Variants in PHACTR1 observed in about 807,000 individuals in gnomAD.
PHACTR1 encodes the protein phosphatase and actin regulator 1.
A neutral mutation model predicts 69.2 loss-of-function variants in PHACTR1; 16 were observed. That is an observed-to-expected ratio of 0.23 (90% CI 0.16 to 0.35). The LOEUF (loss-of-function observed/expected upper bound fraction) is 0.35, where lower values mean the gene tolerates loss of function less well. Ranked by LOEUF, PHACTR1 falls within the 10% of genes least tolerant of loss-of-function variation. The pLI, the probability that PHACTR1 is intolerant of heterozygous loss-of-function variation, is 1.00. For synonymous variants in PHACTR1, 312 were observed against 284.5 expected (o/e 1.10, Z -0.97); for missense variants, 510 against 734.7 (o/e 0.69, Z 3.54).
At chr6:12,886,841 C>CAA (rs199774310) in intron 4 of PHACTR1, among the ~76,000 whole-genome samples, 5 of 139,376 alleles carry the variant, frequency 3.6e-5, no homozygotes, top group African/African-American at 1.1e-4. Context: ...AATGCAGTTC[C>CAA]AAAAAAAAAA....
At chr6:13,080,407 A>T (rs1248863424) in intron 5 of PHACTR1, among the ~76,000 whole-genome samples, 2 of 152,130 alleles carry the variant, frequency 1.3e-5, no homozygotes, top group African/African-American at 4.8e-5. Flanking sequence ...TTTAATTGGA[A>T]CTGGGGTGTG....
intron 4 of PHACTR1, among the ~76,000 whole-genome samples, chr6:12,754,605 A>G (rs1236027361): frequency 1.3e-5 from 2 of 152,198 alleles, no homozygotes; most frequent in East Asian, 1.9e-4. Context: ...TATGTCATGC[A>G]TTAAGATGGT....
intron 5 of PHACTR1, among the ~76,000 whole-genome samples, chr6:13,137,273 T>C (rs1308737582): frequency 6.6e-6 from 1 of 152,132 alleles, no homozygotes. Flanking sequence ...AGGCATTTGG[T>C]TTTGGTTTGG....
At chr6:13,024,666 T>G (rs1172406244) in intron 4 of PHACTR1, among the ~76,000 whole-genome samples, 1 of 152,212 alleles carries the variant, frequency 6.6e-6, no homozygotes, top group East Asian at 1.9e-4. Flanking sequence ...ATGTGGCTGT[T>G]TTCTACTAGT....
At chr6:12,748,021 G>A (rs1766028251) in intron 3 of PHACTR1, among the ~76,000 whole-genome samples, 1 of 152,160 alleles carries the variant, frequency 6.6e-6, no homozygotes, top group Non-Finnish European at 1.5e-5. Context: ...GAGAAGCTAA[G>A]AAAGAATTAG....
intron 7 of PHACTR1, among the ~76,000 whole-genome samples, chr6:13,197,209 C>G (rs1150598): frequency 0.3 from 45,570 of 152,042 alleles, 7,522 homozygotes; most frequent in African/African-American, 0.4. Flanking sequence ...TGTACGGGGG[C>G]TACTTTATAC....
intron 6 of PHACTR1, among the ~76,000 whole-genome samples, chr6:13,169,589 A>C (rs924581890): frequency 2.0e-5 from 3 of 152,196 alleles, no homozygotes; most frequent in African/African-American, 7.2e-5. Flanking sequence ...TCAACCAAAA[A>C]TGTGTAGCAT....
At chr6:13,112,422 C>G (rs1349114633) in intron 5 of PHACTR1, among the ~76,000 whole-genome samples, 1 of 152,180 alleles carries the variant, frequency 6.6e-6, no homozygotes, top group Non-Finnish European at 1.5e-5. Context: ...AATGGTAGTT[C>G]TGCTTTTAGG....
At chr6:12,970,801 C>CT (rs1253189778) in intron 4 of PHACTR1, among the ~76,000 whole-genome samples, 2 of 152,150 alleles carry the variant, frequency 1.3e-5, no homozygotes, top group African/African-American at 4.8e-5. Context: ...TTTACCCCAT[C>CT]TTTTTTGCCA....
chr6:13,145,740 C>T (rs575630765), intron 5 of PHACTR1, among the ~76,000 whole-genome samples: 167 of 152,260 alleles, frequency 1.1e-3, no homozygotes, highest in Middle Eastern at 3.4e-3. Context: ...GGCAGCCATC[C>T]GCAAGCCAGG....
In PHACTR1 at chr6:13,119,183, G is replaced by A. The variant is rs148962301; in HGVS notation, c.416-41021G>A. 2.4e-3 allele frequency among the ~76,000 whole-genome samples: 369 copies of A among 152,166 alleles called. 1 individual carries two copies. Among genetic ancestry groups the A allele is most frequent in the Admixed American group, 6.6e-3 (101 of 15,290 alleles). ...CACATGGTGGAAGATAGCAAATTAGGCCTTGTGCATGGTAAGAAAAGCTTC... is the reference window on the plus strand; with the variant it reads ...CACATGGTGGAAGATAGCAAATTAGACCTTGTGCATGGTAAGAAAAGCTTC... On this transcript the variant is annotated intron_variant, in intron 5 of 14. Transcript: ENST00000332995.
intron 3 of PHACTR1, among the ~76,000 whole-genome samples, chr6:12,721,698 C>T (rs1581411027): frequency 6.6e-6 from 1 of 152,312 alleles, no homozygotes; most frequent in East Asian, 1.9e-4. Context: ...TTCTCAAGTT[C>T]TGCTTTTACC....
chr6:13,184,085 G>A lies in PHACTR1; in HGVS notation c.664+1399G>A, dbSNP rs9357630. Among the ~76,000 whole-genome samples, 103 of 152,348 alleles carry A rather than the reference G, an allele frequency of 6.8e-4. No individual in the cohort carries two copies. The East Asian group carries it at 0.013, about 19-fold the overall frequency. ...GTTGATTTAAAGCATCCCTTGCCTC[G>A]TCAAAGTTTACAGGAGCTGGTGGGG... On this transcript the variant is annotated intron_variant, in intron 7 of 14. Coordinates refer to ENST00000332995, the MANE Select transcript of PHACTR1 (RefSeq NM_030948.6).
intron 6 of PHACTR1, among the ~76,000 whole-genome samples, chr6:13,168,609 G>T (rs951762585): frequency 8.5e-5 from 13 of 152,182 alleles, no homozygotes; most frequent in Non-Finnish European, 1.8e-4. Context: ...AGAAAGGATA[G>T]TATTTTCAGG....
chr6:13,219,953 G>C (rs1486126349), intron 8 of PHACTR1, among the ~76,000 whole-genome samples: 2 of 152,162 alleles, frequency 1.3e-5, no homozygotes, highest in East Asian at 3.8e-4. Context: ...TTCACATCCT[G>C]CTGTGATCAC....
intron 5 of PHACTR1, among the ~76,000 whole-genome samples, chr6:13,084,548 A>T (rs897375791): frequency 6.6e-6 from 1 of 151,526 alleles, no homozygotes; most frequent in African/African-American, 2.4e-5. Context: ...AATACAAATT[A>T]AAAAAAAAGA....
intron 5 of PHACTR1, among the ~76,000 whole-genome samples, chr6:13,097,121 G>A (rs1175243005): frequency 1.3e-5 from 2 of 152,196 alleles, no homozygotes; most frequent in Non-Finnish European, 2.9e-5. Flanking sequence ...CCAGGACAAA[G>A]TTAACTCCTT....
At chr6:12,847,058 CTGGCCGCGT>C (rs1314502545) in intron 4 of PHACTR1, among the ~76,000 whole-genome samples, 3 of 152,060 alleles carry the variant, frequency 2.0e-5, no homozygotes. Context: ...CTCAAGGGAT[CTGGCCGCGT>C]TGGCCTCCCA....
At chr6:13,066,197 G>T (rs759478016) in intron 5 of PHACTR1, among the ~76,000 whole-genome samples, 28 of 152,190 alleles carry the variant, frequency 1.8e-4, no homozygotes, top group Non-Finnish European at 3.4e-4. Context: ...CTCTCTGCGT[G>T]TAAGTCCAGG....
Sources: allele counts gnomAD v4.1 joint callset (sites outside exome capture counted in the v4.1 genomes callset), GRCh38; gene constraint gnomAD v4.1.1; transcripts MANE v1.5; gene names NCBI Gene and HGNC (gene_info 2026-07-23, HGNC 2026-07-21).